Variants in FBXO33 observed in about 807,000 individuals in gnomAD.
FBXO33 encodes F-box protein 33.
In FBXO33, 22 loss-of-function variants were observed where a neutral mutation model predicts 46.3. The observed-to-expected ratio is 0.48, with a 90% CI of 0.34 to 0.68. The LOEUF is 0.68. FBXO33 is among the 30% of genes least tolerant of loss of function. The probability of loss-of-function intolerance (pLI) is 0.01; values close to 1 mark genes in which losing one functional copy is unlikely to be tolerated. For missense variants in FBXO33, 692 were observed against 708.8 expected, an observed-to-expected ratio of 0.98 and a Z score of 0.27; for synonymous variants, 337 against 291.3, an observed-to-expected ratio of 1.16 and a Z score of -1.60.
In FBXO33 at chr14:39,431,730, C is replaced by A; in HGVS notation, c.433G>T (p.Ala145Ser). ...FVRELRVEFA[A>S]ENYLSGGGPG... ...CCACCGCCGCTCAGATAGTTCTCGG[C>A]GGCGAATTCAACACGCAGCTCTCGC... is the stretch of plus-strand genomic sequence containing the variant. The change falls in exon 1 of 4, where the codon GCC becomes TCC. Residue 145 changes from alanine (A) to serine (S), a missense_variant. Around this residue, in one of 3 missense-constraint regions of FBXO33, gnomAD observed 412 missense variants for 370.8 expected, o/e 1.11. Transcript: ENST00000298097. 1 of 1,613,250 alleles carries A rather than the reference C, an allele frequency of 6.2e-7. No homozygotes were observed. Among genetic ancestry groups the A allele is most frequent in the Non-Finnish European group, 8.5e-7 (1 of 1,179,984 alleles).
chr14:39,407,886 A>C (rs1406231933), intron 1 of FBXO33, among the ~76,000 whole-genome samples: 4 of 152,160 alleles, frequency 2.6e-5, no homozygotes, highest in African/African-American at 9.7e-5. Context: ...TAGTGGCTGC[A>C]CCATTTTACA....
At chr14:39,427,178 C>CT (rs901294058) in intron 1 of FBXO33, among the ~76,000 whole-genome samples, 2 of 152,116 alleles carry the variant, frequency 1.3e-5, no homozygotes, top group African/African-American at 4.8e-5. Context: ...AAAATTTTAA[C>CT]TTTTTTTTCC....
chr14:39,406,946 T>C (rs1307773569), intron 1 of FBXO33, among the ~76,000 whole-genome samples: 2 of 152,078 alleles, frequency 1.3e-5, no homozygotes, highest in East Asian at 1.9e-4. Flanking sequence ...AAAAAGAATA[T>C]GGATTGGAAA....
rs1335718741 is a variant in FBXO33, at chr14:39,426,644, C to T, written c.599+4920G>A. On this transcript the variant is annotated intron_variant, in intron 1 of 3. Coordinates refer to ENST00000298097, the MANE Select transcript of FBXO33 (RefSeq NM_203301.4). The stretch of plus-strand genomic sequence containing the variant: ...TCATCCTCACTTGCCACAGCCCTGT[C>T]ACACTTTCTTTTCCACTGCTCGAAC... 2.6e-5 allele frequency among the ~76,000 whole-genome samples: 4 copies of T among 152,170 alleles called. No individual in the cohort carries two copies. The East Asian group carries it at 7.7e-4, about 29-fold the overall frequency.
intron 1 of FBXO33, among the ~76,000 whole-genome samples, chr14:39,430,258 G>A (rs1325550025): frequency 6.6e-6 from 1 of 152,154 alleles, no homozygotes; most frequent in African/African-American, 2.4e-5. Flanking sequence ...AATGTCTTGC[G>A]AAAAGCTGTG....
Position 39,399,416 on chromosome 14 carries a change from T to G in FBXO33, c.*100A>C. The G allele has an allele frequency of 1.9e-6, 2 of 1,065,654 alleles. No individual in the cohort carries two copies. The highest frequency in any genetic ancestry group is 2.7e-6 in the Non-Finnish European group (2 of 746,778). 66.0% of individuals were successfully genotyped at this position (1,065,654 alleles called of 1,614,324 possible). On this transcript the variant is annotated 3_prime_UTR_variant, in exon 4 of 4. Transcript: ENST00000298097. Reference sequence around the variant, plus strand: ...TATAATTCTATAAAGCTAATACTGATTAAACACAGCACAAAAGGATTAATT... The same window carrying G: ...TATAATTCTATAAAGCTAATACTGAGTAAACACAGCACAAAAGGATTAATT...
At chr14:39,400,327 A>G (rs929546072) in intron 3 of FBXO33, among the ~76,000 whole-genome samples, 4 of 152,220 alleles carry the variant, frequency 2.6e-5, no homozygotes, top group African/African-American at 9.6e-5. Flanking sequence ...TCAGAATAAT[A>G]ACTACTTCTG....
rs1288775001 is a variant in FBXO33, at chr14:39,399,492, C to T, written c.*24G>A. ...AGGACCCTACTTGCATATGTAACCA[C>T]AGGAATTCTACATTAAAAAAAAGCT... is the stretch of plus-strand genomic sequence containing the variant. On this transcript the variant is annotated 3_prime_UTR_variant, in exon 4 of 4. Coordinates refer to ENST00000298097, the MANE Select transcript of FBXO33 (RefSeq NM_203301.4). 4.4e-6 allele frequency: 7 copies of T among 1,587,486 alleles called. No individual in the cohort carries two copies. Among genetic ancestry groups the T allele is most frequent in the Non-Finnish European group, 4.3e-6 (5 of 1,165,724 alleles).
intron 1 of FBXO33, among the ~76,000 whole-genome samples, chr14:39,406,004 A>G (rs1354221955): frequency 1.3e-5 from 2 of 151,570 alleles, no homozygotes; most frequent in African/African-American, 4.8e-5. Context: ...CAGAAAGGAT[A>G]TAAAACTGTT....
Position 39,399,888 on chromosome 14 carries a change from A to T in FBXO33, c.1397-101T>A, listed in dbSNP as rs572553287. 12 of 1,274,478 alleles carry T rather than the reference A, an allele frequency of 9.4e-6. No individual in the cohort carries two copies. The East Asian group carries it at 3.0e-4, about 32-fold the overall frequency. The allele number at this position is 1,274,478 out of a possible 1,614,324, so 78.9% of individuals were successfully genotyped here. On this transcript the variant is annotated intron_variant, in intron 3 of 3. Transcript: ENST00000298097. ...ATTCAAAGCTTCTAGAGAAGCTTCA[A>T]ATTTGTATCTCACTTACCGTTTTGG... is the stretch of plus-strand genomic sequence containing the variant.
intron 1 of FBXO33, among the ~76,000 whole-genome samples, chr14:39,427,803 C>T (rs1332700682): frequency 6.6e-6 from 1 of 151,994 alleles, no homozygotes; most frequent in Non-Finnish European, 1.5e-5. Context: ...TATATATCAG[C>T]CAGGCATGGT....
intron 1 of FBXO33, among the ~76,000 whole-genome samples, chr14:39,422,399 C>T (rs777658641): frequency 5.9e-5 from 9 of 152,260 alleles, no homozygotes; most frequent in Non-Finnish European, 1.2e-4. Context: ...TGCTTCCACC[C>T]TTGCCCTACT....
chr14:39,416,816 G>A (rs1390721013), intron 1 of FBXO33, among the ~76,000 whole-genome samples: 3 of 151,918 alleles, frequency 2.0e-5, no homozygotes, highest in Admixed American at 6.6e-5. Flanking sequence ...TTCTTTGTAG[G>A]TAATTAATAC....
intron 1 of FBXO33, among the ~76,000 whole-genome samples, chr14:39,419,568 C>G (rs4902622): frequency 0.27 from 40,234 of 151,704 alleles, 5,576 homozygotes; most frequent in East Asian, 0.51. Context: ...CATTTTGAGG[C>G]CAGGAGACTA....
chr14:39,401,158 A>G lies in FBXO33; in HGVS notation c.1396+18T>C, dbSNP rs768759805. 1.3e-6 allele frequency: 2 copies of G among 1,553,908 alleles called. No individual in the cohort carries two copies. Among genetic ancestry groups the G allele is most frequent in the Middle Eastern group, 1.7e-4 (1 of 5,734 alleles). ...GGTCTAATTCCAGTATCAGATTACA[A>G]TGAACAAGATCACCTACCATGAATT... On this transcript the variant is annotated intron_variant, in intron 3 of 3. Transcript: ENST00000298097.
At chr14:39,422,056 G>C (rs1387439199) in intron 1 of FBXO33, among the ~76,000 whole-genome samples, 3 of 152,070 alleles carry the variant, frequency 2.0e-5, no homozygotes. Context: ...TCAGGAGTTC[G>C]AGACCACCCT....
chr14:39,423,782 AG>A (rs1476984058), intron 1 of FBXO33, among the ~76,000 whole-genome samples: 1 of 152,200 alleles, frequency 6.6e-6, no homozygotes, highest in Non-Finnish European at 1.5e-5. Context: ...GGGAACTTCT[AG>A]GGCTCTAGTA....
intron 1 of FBXO33, among the ~76,000 whole-genome samples, chr14:39,404,472 G>A (rs558557388): frequency 5.9e-5 from 9 of 152,036 alleles, no homozygotes; most frequent in East Asian, 2.0e-4. Flanking sequence ...GACTACAGGC[G>A]CCCGCCACCA....
intron 1 of FBXO33, among the ~76,000 whole-genome samples, chr14:39,417,218 T>C (rs752744454): frequency 5.3e-5 from 8 of 152,244 alleles, no homozygotes; most frequent in Non-Finnish European, 8.8e-5. Context: ...TTGTTCTCAG[T>C]TGTTTCAGGC....
Sources: allele counts gnomAD v4.1 joint callset (sites outside exome capture counted in the v4.1 genomes callset), GRCh38; gene constraint gnomAD v4.1.1; regional missense constraint gnomAD v4.1.1; transcripts MANE v1.5; gene names NCBI Gene and HGNC (gene_info 2026-07-23, HGNC 2026-07-21).